The following PCDHA4 variants were observed in gnomAD, a reference collection of about 807,000 sequenced individuals.
PCDHA4 encodes the protein protocadherin alpha 4.
Under a neutral mutation model 61.4 loss-of-function variants are expected in PCDHA4, and 49 were observed. The ratio of observed to expected loss-of-function variants is 0.80; its 90% CI spans 0.63 to 1.01. The LOEUF (loss-of-function observed/expected upper bound fraction) is 1.01, where lower values mean the gene tolerates loss of function less well. Among genes scored for constraint, PCDHA4 ranks in the 50% least tolerant of loss-of-function variants. The probability of loss-of-function intolerance (pLI) is 0.00; values close to 1 mark genes in which losing one functional copy is unlikely to be tolerated. For missense variants in PCDHA4, 1,254 were observed against 1,235.8 expected (o/e 1.01, Z -0.22); for synonymous variants, 590 against 550.3 (o/e 1.07, Z -1.01).
rs1490368496 is a variant in PCDHA4, at chr5:140,848,582, C to T, written c.2385+39010C>T. ...TCGCAATGTGGGTGGTGGGGAGCGG[C>T]CAGCTCCACTACTCCGTCCCGGAGG... is the stretch of plus-strand genomic sequence containing the variant. On this transcript the variant is annotated intron_variant, in intron 1 of 3. Transcript: ENST00000530339. 1.7e-5 allele frequency: 27 copies of T among 1,595,002 alleles called. 2 individuals carry two copies. Among genetic ancestry groups the T allele is most frequent in the African/African-American group, 6.7e-5 (5 of 74,374 alleles).
At chr5:140,993,894 A>G (rs1267639459) in intron 3 of PCDHA4, among the ~76,000 whole-genome samples, 2 of 152,204 alleles carry the variant, frequency 1.3e-5, no homozygotes, top group African/African-American at 4.8e-5. Flanking sequence ...TGATGTCCAT[A>G]CAACAAAAAT....
At position 140,849,790 on chromosome 5, in the gene PCDHA4, C is replaced by T. The variant is rs2150450402; in HGVS notation, c.2385+40218C>T. The T allele has an allele frequency of 6.1e-5, 97 of 1,598,120 alleles. 10 individuals are homozygous for T. Among genetic ancestry groups the T allele is most frequent in the Middle Eastern group, 1.7e-4 (1 of 5,854 alleles). On this transcript the variant is annotated intron_variant, in intron 1 of 3. Transcript: ENST00000530339. The stretch of plus-strand genomic sequence containing the variant: ...GTGGTTACCGCGCGGGACGGGGGCT[C>T]GCCTTCACTGTGGGCCACGGCCAGG...
In PCDHA4 at chr5:140,841,811, G is replaced by A. The variant is rs2150323241; in HGVS notation, c.2385+32239G>A. The A allele has an allele frequency of 3.1e-6, 5 of 1,613,790 alleles. No individual in the cohort carries two copies. In the African/African-American group the frequency reaches 6.7e-5, roughly 22 times the overall value. On this transcript the variant is annotated intron_variant, in intron 1 of 3. Coordinates refer to ENST00000530339, the MANE Select transcript of PCDHA4 (RefSeq NM_018907.4). The stretch of plus-strand genomic sequence containing the variant: ...GGGCGCGTCCGATGCAGATGTTGGA[G>A]CTAACTCCGTGTTAACCTACAGGCT...
chr5:140,972,905 A>C (rs1188926107), intron 1 of PCDHA4, among the ~76,000 whole-genome samples: 18 of 151,782 alleles, frequency 1.2e-4, no homozygotes, highest in African/African-American at 4.4e-4. Flanking sequence ...CTTGTGATCC[A>C]CCCGCCTTGG....
chr5:140,869,469 G>A lies in PCDHA4; in HGVS notation c.2385+59897G>A, dbSNP rs781981842. The A allele has an allele frequency of 2.0e-5, 32 of 1,614,092 alleles. No individual in the cohort carries two copies. In the East Asian group the frequency reaches 5.1e-4, roughly 26 times the overall value. On this transcript the variant is annotated intron_variant, in intron 1 of 3. Coordinates refer to ENST00000530339, the MANE Select transcript of PCDHA4 (RefSeq NM_018907.4). Reference sequence around the variant, plus strand: ...TGCAGGTTTTCCATGTGAACGTGGAGGTGAAGGACATTAACGACAACCCGC... The same window carrying A: ...TGCAGGTTTTCCATGTGAACGTGGAAGTGAAGGACATTAACGACAACCCGC...
At chr5:140,821,571 A>C in intron 1 of PCDHA4, 1 of 549,120 alleles carries the variant, frequency 1.8e-6, no homozygotes, top group Non-Finnish European at 3.1e-6. Flanking sequence ...TGGACACCGG[A>C]AGGTTTTTCT....
chr5:140,852,688 T>G, intron 1 of PCDHA4: 1 of 971,908 alleles, frequency 1.0e-6, no homozygotes, highest in Non-Finnish European at 1.2e-6. Flanking sequence ...GAATATAGTC[T>G]TATACTTTCA....
intron 1 of PCDHA4, among the ~76,000 whole-genome samples, chr5:140,969,910 A>G (rs1364534841): frequency 9.9e-5 from 15 of 152,216 alleles, no homozygotes; most frequent in African/African-American, 3.6e-4. Context: ...GTCACAAGTG[A>G]TAAAGCTGTA....
chr5:140,857,626 G>A (rs536509917), intron 1 of PCDHA4: 1 of 1,596,672 alleles, frequency 6.3e-7, no homozygotes, highest in South Asian at 1.1e-5. Context: ...ACCACGAGGA[G>A]CTGGAGCTGC....
Position 140,869,675 on chromosome 5 carries a change from G to C in PCDHA4, c.2385+60103G>C, listed in dbSNP as rs1040647730. 3 of 1,613,268 alleles carry C rather than the reference G, an allele frequency of 1.9e-6. No homozygotes were observed. The South Asian group carries it at 3.3e-5, about 18-fold the overall frequency. Reference sequence around the variant, plus strand: ...CCAACAAATGGTAAGCAGATTAAAAGACTGTCACTTATTTTAAAGAAGTCT... The same window carrying C: ...CCAACAAATGGTAAGCAGATTAAAACACTGTCACTTATTTTAAAGAAGTCT... On this transcript the variant is annotated intron_variant, in intron 1 of 3. Transcript: ENST00000530339.
At chr5:140,832,778 A>G (rs1554133657) in intron 1 of PCDHA4, among the ~76,000 whole-genome samples, 1 of 152,222 alleles carries the variant, frequency 6.6e-6, no homozygotes, top group Non-Finnish European at 1.5e-5. Flanking sequence ...AAGAGGTGCT[A>G]GAAAGGTACA....
intron 1 of PCDHA4, chr5:140,876,474 C>T: frequency 6.2e-7 from 1 of 1,614,014 alleles, no homozygotes; most frequent in Non-Finnish European, 8.5e-7. Flanking sequence ...CAGGTCACAG[C>T]ATGGTCCTGG....
At chr5:140,850,611 G>A (rs1353719119) in intron 1 of PCDHA4, 2 of 1,598,474 alleles carry the variant, frequency 1.3e-6, no homozygotes, top group Non-Finnish European at 1.7e-6. Context: ...CGCCATCTGC[G>A]CGGTGTCTAG....
chr5:140,987,007 A>C (rs2097221901), intron 3 of PCDHA4, among the ~76,000 whole-genome samples: 1 of 152,142 alleles, frequency 6.6e-6, no homozygotes, highest in African/African-American at 2.4e-5. Context: ...TGAGGTCATG[A>C]GTTCGAGACC....
chr5:140,870,469 C>T, intron 1 of PCDHA4: 1 of 1,614,246 alleles, frequency 6.2e-7, no homozygotes. Context: ...TGCGTTCGCA[C>T]AGCCCGAGTA....
intron 1 of PCDHA4, among the ~76,000 whole-genome samples, chr5:140,949,318 T>C (rs1554218908): frequency 6.6e-6 from 1 of 151,876 alleles, no homozygotes; most frequent in African/African-American, 2.4e-5. Flanking sequence ...GATTTATAAA[T>C]ATAAATTATT....
rs1554124021 is a variant in PCDHA4, at chr5:140,807,451, T to G, written c.264T>G (p.Ser88=). ...NLQNGILFVN[S]RIDREELCRR... ...AGAATGGCATTTTGTTTGTGAATTC[T>G]CGGATCGACCGGGAGGAGCTGTGCC... is the stretch of plus-strand genomic sequence containing the variant. The change falls in exon 1 of 4, where the codon TCT becomes TCG. Residue 88 remains serine (S), a synonymous_variant. Transcript: ENST00000530339. 1.9e-6 allele frequency: 3 copies of G among 1,606,822 alleles called. No homozygotes were observed. Among genetic ancestry groups the G allele is most frequent in the Middle Eastern group, 1.8e-4 (1 of 5,634 alleles).
At chr5:140,844,630 A>G (rs1413264229) in intron 1 of PCDHA4, among the ~76,000 whole-genome samples, 2 of 149,590 alleles carry the variant, frequency 1.3e-5, no homozygotes, top group Non-Finnish European at 3.0e-5. Flanking sequence ...CAGAAAAACT[A>G]TACATGATAA....
At chr5:140,909,977 G>A (rs1554194042) in intron 1 of PCDHA4, among the ~76,000 whole-genome samples, 2 of 152,214 alleles carry the variant, frequency 1.3e-5, no homozygotes, top group African/African-American at 4.8e-5. Flanking sequence ...AAGGATGGGA[G>A]AAAGACTAAC....
Sources: gnomAD v4.1 joint callset for allele counts (sites outside exome capture counted in the v4.1 genomes callset) on GRCh38, gnomAD v4.1.1 for gene constraint, MANE v1.5 for transcripts, NCBI Gene and HGNC (gene_info 2026-07-23, HGNC 2026-07-21) for gene names.